COL22A1: variants seen among roughly 807,000 people sequenced by gnomAD.
COL22A1 encodes the protein collagen alpha-1(XXII) chain.
A neutral mutation model predicts 248.9 loss-of-function variants in COL22A1; 221 were observed. The ratio of observed to expected loss-of-function variants is 0.89; its 90% confidence interval spans 0.80 to 0.99. The LOEUF (loss-of-function observed/expected upper bound fraction) is 0.99. COL22A1 is among the 50% of genes least tolerant of loss of function. The probability of loss-of-function intolerance (pLI) is 0.00; values close to 1 mark genes in which losing one functional copy is unlikely to be tolerated. For synonymous variants in COL22A1, 891 were observed against 793.4 expected (o/e 1.12, Z -2.07); for missense variants, 2,240 against 2,179.0 (o/e 1.03, Z -0.56).
chr8:138,815,013 G>GT (rs1818561025), intron 7 of COL22A1, among the ~76,000 whole-genome samples: 1 of 152,192 alleles, frequency 6.6e-6, no homozygotes, highest in African/African-American at 2.4e-5. Flanking sequence ...TCTTGTGATA[G>GT]TGAATAAGTG....
At chr8:138,686,800 T>C (rs1378463153) in intron 37 of COL22A1, among the ~76,000 whole-genome samples, 4 of 152,192 alleles carry the variant, frequency 2.6e-5, no homozygotes, top group African/African-American at 9.6e-5. Context: ...GTCCTACTTA[T>C]AATGTGCCGT....
rs560113278 is a variant in COL22A1, at chr8:138,806,196, G to A, written c.1494+1572C>T. On this transcript the variant is annotated intron_variant, in intron 10 of 64. Coordinates refer to ENST00000303045, the MANE Select transcript of COL22A1 (RefSeq NM_152888.3). ...TGTAAGTAATGGTGTGTGATGGTGTGTGTGTGATGGCATGTGTATGTGTGA... is the reference window on the plus strand; with the variant it reads ...TGTAAGTAATGGTGTGTGATGGTGTATGTGTGATGGCATGTGTATGTGTGA... Among the ~76,000 whole-genome samples the A allele has an allele frequency of 7.5e-5, 7 of 92,850 alleles. No individual in the cohort carries two copies. In the East Asian group the frequency reaches 2.6e-3, roughly 35 times the overall value. The allele number at this position is 92,850 out of a possible 152,430, so 60.9% of individuals were successfully genotyped here. A position where few individuals can be genotyped will look rare whatever the true frequency, so the allele number is the denominator to read the frequency against.
At chr8:138,902,493 C>T (rs1209677521) in intron 1 of COL22A1, among the ~76,000 whole-genome samples, 1 of 151,844 alleles carries the variant, frequency 6.6e-6, no homozygotes, top group Non-Finnish European at 1.5e-5. Context: ...GTCAGGAGAT[C>T]GAGACCATCC....
rs148063766 is a variant in COL22A1 at position 138,771,976 on chromosome 8, C to T, written c.1803+3990G>A. Among the ~76,000 whole-genome samples the T allele has an allele frequency of 2.6e-4, 39 of 152,308 alleles. No homozygotes were observed. The East Asian group carries it at 6.4e-3, about 25-fold the overall frequency. On this transcript the variant is annotated intron_variant, in intron 16 of 64. Coordinates refer to ENST00000303045, the MANE Select transcript of COL22A1 (RefSeq NM_152888.3). The stretch of plus-strand genomic sequence containing the variant: ...CGATGGAGACGGTTCCTGCTGTGGA[C>T]GCTCAGTGAGTGTTTTCTCCCTGTG...
intron 1 of COL22A1, among the ~76,000 whole-genome samples, chr8:138,897,573 T>TAATAAG (rs1181007136): frequency 1.5e-5 from 2 of 133,516 alleles, no homozygotes; most frequent in Non-Finnish European, 3.3e-5. Context: ...ATAATAATAA[T>TAATAAG]AAGTAACTTA....
intron 27 of COL22A1, among the ~76,000 whole-genome samples, chr8:138,719,682 A>G (rs180976993): frequency 3.2e-4 from 48 of 152,330 alleles, no homozygotes; most frequent in Non-Finnish European, 6.2e-4. Flanking sequence ...GCCCTGAGGT[A>G]TGCCCTCCCA....
chr8:138,737,582 G>A lies in COL22A1; in HGVS notation c.2086-5C>T. The A allele has an allele frequency of 1.2e-6, 2 of 1,605,830 alleles. No homozygotes were observed. The highest frequency in any genetic ancestry group is 1.7e-6 in the Non-Finnish European group (2 of 1,172,750). ...TCCCATGTCACCTTTCTTCCCCTGA[G>A]TGTAAAAGAAGAAGCTAAAATTAAC... On this transcript the variant is annotated splice_region_variant and splice_polypyrimidine_tract_variant and intron_variant, in intron 22 of 64. Coordinates refer to ENST00000303045, the MANE Select transcript of COL22A1 (RefSeq NM_152888.3).
At chr8:138,694,595 T>A (rs1251647487) in intron 33 of COL22A1, 34 bp from the exon 34 acceptor site, 2 of 1,609,218 alleles carry the variant, frequency 1.2e-6, no homozygotes, top group East Asian at 4.5e-5. Context: ...AACCAGCTCA[T>A]CCTCCTGGTT....
At chr8:138,889,756 G>C (rs1563892139) in intron 1 of COL22A1, among the ~76,000 whole-genome samples, 1 of 152,180 alleles carries the variant, frequency 6.6e-6, no homozygotes, top group Non-Finnish European at 1.5e-5. Flanking sequence ...AAATAAGAAA[G>C]ATGGTGGCCA....
In COL22A1 at chr8:138,596,942, C is replaced by T. The variant is rs373788593; in HGVS notation, c.4394G>A (p.Arg1465His). ...CCCCAGCTCTTCTTGAATAAGCCGA[C>T]GCAGGGTTTCCATGGATGGAGACTC... Reference protein sequence around the residue: ...RGESPSMETLRRLIQEELGKQ... With the variant: ...RGESPSMETLHRLIQEELGKQ... The change falls in exon 62 of 65, where the codon CGT (arginine) becomes CAT (histidine). Residue 1465 changes from arginine to histidine, a missense_variant. Transcript: ENST00000303045. 87 of 1,613,888 alleles carry T rather than the reference C, an allele frequency of 5.4e-5. No individual in the cohort carries two copies. Among genetic ancestry groups the T allele is most frequent in the East Asian group, 8.9e-5 (4 of 44,878 alleles).
intron 4 of COL22A1, among the ~76,000 whole-genome samples, chr8:138,841,382 A>G (rs1467841691): frequency 2.0e-5 from 3 of 152,160 alleles, no homozygotes; most frequent in Admixed American, 2.0e-4. Flanking sequence ...AATAGAATAA[A>G]ATGTTAAAAG....
intron 16 of COL22A1, among the ~76,000 whole-genome samples, chr8:138,767,040 C>G (rs933675149): frequency 1.3e-5 from 2 of 152,236 alleles, no homozygotes; most frequent in Non-Finnish European, 2.9e-5. Context: ...AACCCTGGCT[C>G]TCCCACGCTC....
At chr8:138,653,149 C>T (rs769577384) in intron 45 of COL22A1, among the ~76,000 whole-genome samples, 4 of 152,162 alleles carry the variant, frequency 2.6e-5, no homozygotes, top group Non-Finnish European at 4.4e-5. Context: ...AAAATGCTTA[C>T]TACATGGAGA....
At chr8:138,882,619 C>A (rs1449479131) in intron 2 of COL22A1, among the ~76,000 whole-genome samples, 1 of 149,970 alleles carries the variant, frequency 6.7e-6, no homozygotes, top group Non-Finnish European at 1.5e-5. Context: ...CTCCCACACA[C>A]TCTTCCTCAA....
At chr8:138,675,424 A>G (rs1825431438) in intron 41 of COL22A1, among the ~76,000 whole-genome samples, 1 of 152,212 alleles carries the variant, frequency 6.6e-6, no homozygotes, top group Non-Finnish European at 1.5e-5. Context: ...ATTGAATGCA[A>G]TACCAGACAG....
chr8:138,623,237 C>CAT (rs5895541), intron 52 of COL22A1, among the ~76,000 whole-genome samples: 9,817 of 141,278 alleles, frequency 0.069, 373 homozygotes, highest in South Asian at 0.085. Flanking sequence ...TGTGTGTGTA[C>CAT]ATATATATAT....
chr8:138,713,087 A>G (rs1469077526), intron 30 of COL22A1, among the ~76,000 whole-genome samples: 2 of 152,222 alleles, frequency 1.3e-5, no homozygotes, highest in African/African-American at 4.8e-5. Context: ...GTCTGGACTC[A>G]CACCCACCCT....
chr8:138,806,171 TGTAAGTAATG>T (rs1817698532), intron 10 of COL22A1, among the ~76,000 whole-genome samples: 2 of 97,078 alleles, frequency 2.1e-5, no homozygotes, highest in African/African-American at 5.5e-5. Flanking sequence ...TGTGTGATGG[TGTAAGTAATG>T]GTGTGTGATG....
chr8:138,812,385 C>T (rs768037304), intron 8 of COL22A1, among the ~76,000 whole-genome samples: 17 of 152,152 alleles, frequency 1.1e-4, no homozygotes, highest in Middle Eastern at 3.2e-3. Flanking sequence ...CCCTGCAGCC[C>T]GGGAAGCAGG....
Sources: gnomAD v4.1 joint callset for allele counts (sites outside exome capture counted in the v4.1 genomes callset) on GRCh38, gnomAD v4.1.1 for gene constraint, MANE v1.5 for transcripts, NCBI Gene and HGNC (gene_info 2026-07-23, HGNC 2026-07-21) for gene names.